Variants in KCTD16 observed in about 807,000 individuals in gnomAD.
KCTD16 encodes the protein BTB/POZ domain-containing protein KCTD16.
Under a neutral mutation model 33.2 loss-of-function variants are expected in KCTD16, and 13 were observed. The ratio of observed to expected loss-of-function variants is 0.39; its 90% CI spans 0.25 to 0.62. KCTD16 has a LOEUF of 0.62. Among genes scored for constraint, KCTD16 ranks in the 20% least tolerant of loss-of-function variants. The pLI is 0.50. For missense variants in KCTD16, 441 were observed against 525.1 expected (o/e 0.84, Z 1.57); for synonymous variants, 197 against 195.3 (o/e 1.01, Z -0.07).
chr5:144,252,061 A>G (rs1754715331), intron 3 of KCTD16, among the ~76,000 whole-genome samples: 1 of 152,188 alleles, frequency 6.6e-6, no homozygotes, highest in Non-Finnish European at 1.5e-5. Context: ...AATCAAGGTA[A>G]TTAACATATT....
chr5:144,223,357 A>G (rs1031354813), intron 3 of KCTD16, among the ~76,000 whole-genome samples: 1 of 152,206 alleles, frequency 6.6e-6, no homozygotes, highest in African/African-American at 2.4e-5. Context: ...TAAATTCTAA[A>G]GACATCATTA....
intron 3 of KCTD16, among the ~76,000 whole-genome samples, chr5:144,248,183 G>C (rs1754601618): frequency 6.6e-6 from 1 of 152,330 alleles, no homozygotes; most frequent in African/African-American, 2.4e-5. Flanking sequence ...ACTTGAGAAA[G>C]GGAGAGTAGG....
At chr5:144,255,413 A>G (rs1349802216) in intron 3 of KCTD16, among the ~76,000 whole-genome samples, 3 of 151,886 alleles carry the variant, frequency 2.0e-5, no homozygotes, top group Non-Finnish European at 4.4e-5. Context: ...CCTCCATTCC[A>G]TTTTCCATCA....
intron 3 of KCTD16, among the ~76,000 whole-genome samples, chr5:144,451,119 A>G (rs1753931553): frequency 6.6e-6 from 1 of 152,092 alleles, no homozygotes; most frequent in Admixed American, 6.6e-5. Context: ...AAAATATTCC[A>G]TTGAGGAATT....
At chr5:144,364,866 G>C (rs1751796896) in intron 3 of KCTD16, among the ~76,000 whole-genome samples, 1 of 152,144 alleles carries the variant, frequency 6.6e-6, no homozygotes, top group Non-Finnish European at 1.5e-5. Context: ...CAGGTTCCAT[G>C]CTATTTTTTT....
chr5:144,281,412 G>T (rs1463799411), intron 3 of KCTD16, among the ~76,000 whole-genome samples: 1 of 152,146 alleles, frequency 6.6e-6, no homozygotes, highest in East Asian at 1.9e-4. Context: ...ATTCAATTCA[G>T]AATATTTTCT....
intron 3 of KCTD16, among the ~76,000 whole-genome samples, chr5:144,283,702 A>G (rs1415637380): frequency 6.6e-6 from 1 of 152,218 alleles, no homozygotes; most frequent in Non-Finnish European, 1.5e-5. Context: ...AGGGACAGAA[A>G]TTCCTTGATG....
At chr5:144,325,043 A>G (rs1752168485) in intron 3 of KCTD16, among the ~76,000 whole-genome samples, 1 of 152,224 alleles carries the variant, frequency 6.6e-6, no homozygotes, top group African/African-American at 2.4e-5. Flanking sequence ...TATGCAACAA[A>G]TCTGCATGTC....
At chr5:144,347,469 C>A (rs1561575896) in intron 3 of KCTD16, among the ~76,000 whole-genome samples, 1 of 152,268 alleles carries the variant, frequency 6.6e-6, no homozygotes, top group East Asian at 1.9e-4. Flanking sequence ...GTGGCAAGCA[C>A]CTGCAATCCC....
At chr5:144,183,797 A>G (rs528056116) in intron 2 of KCTD16, among the ~76,000 whole-genome samples, 2 of 152,370 alleles carry the variant, frequency 1.3e-5, no homozygotes, top group East Asian at 3.9e-4. Flanking sequence ...TATGTTATAA[A>G]TAAAAGTATA....
chr5:144,196,568 A>G (rs1328501666), intron 2 of KCTD16, among the ~76,000 whole-genome samples: 2 of 152,222 alleles, frequency 1.3e-5, no homozygotes, highest in Non-Finnish European at 2.9e-5. Flanking sequence ...TGGCACATCA[A>G]CAACACAGAT....
intron 3 of KCTD16, among the ~76,000 whole-genome samples, chr5:144,273,045 G>A (rs1755344042): frequency 6.6e-6 from 1 of 152,118 alleles, no homozygotes; most frequent in Admixed American, 6.6e-5. Flanking sequence ...TAACCCACAA[G>A]ATAGGAGGAA....
At chr5:144,173,227 C>G in intron 1 of KCTD16, among the ~76,000 whole-genome samples, 1 of 152,338 alleles carries the variant, frequency 6.6e-6, no homozygotes. Flanking sequence ...ATGGAAGCAA[C>G]TTAAATGTCC....
At chr5:144,353,421 A>C (rs1751492221) in intron 3 of KCTD16, among the ~76,000 whole-genome samples, 1 of 152,202 alleles carries the variant, frequency 6.6e-6, no homozygotes. Context: ...GATGGGTCAG[A>C]TTCCTACCAC....
chr5:144,418,388 G>A (rs1394526620), intron 3 of KCTD16, among the ~76,000 whole-genome samples: 1 of 152,106 alleles, frequency 6.6e-6, no homozygotes, highest in African/African-American at 2.4e-5. Flanking sequence ...TTTACAGAGT[G>A]CTGATTGGTC....
At chr5:144,279,549 A>G (rs983569543) in intron 3 of KCTD16, among the ~76,000 whole-genome samples, 2 of 152,204 alleles carry the variant, frequency 1.3e-5, no homozygotes, top group African/African-American at 4.8e-5. Flanking sequence ...CTTTCCTCGT[A>G]ATTCTGGAGG....
chr5:144,327,043 G>A (rs1752225103), intron 3 of KCTD16, among the ~76,000 whole-genome samples: 1 of 152,112 alleles, frequency 6.6e-6, no homozygotes, highest in African/African-American at 2.4e-5. Context: ...CGATCCATTT[G>A]GAACTTATTG....
intron 3 of KCTD16, among the ~76,000 whole-genome samples, chr5:144,449,387 G>A (rs1423386563): frequency 6.6e-6 from 1 of 151,590 alleles, no homozygotes; most frequent in East Asian, 1.9e-4. Context: ...TTTTATAAAA[G>A]TAGAAAAAAA....
At position 144,478,589 on chromosome 5, in the gene KCTD16, A is replaced by G. The variant is rs1754641924; in HGVS notation, c.*4475A>G. The stretch of plus-strand genomic sequence containing the variant: ...TAACTTCAAAGAGTCTGATTCAGAA[A>G]CTTGAAGCAGGGCAAAGAAATTTGT... On this transcript the variant is annotated 3_prime_UTR_variant, in exon 4 of 4. Transcript: ENST00000512467. 6.6e-6 allele frequency: 1 copy of G among 152,078 alleles called. No individual in the cohort carries two copies. The highest frequency in any genetic ancestry group is 6.6e-5 in the Admixed American group (1 of 15,250). The allele number at this position is 152,078 out of a possible 1,614,324, so 9.4% of individuals were successfully genotyped here.
Sources: allele counts gnomAD v4.1 joint callset (sites outside exome capture counted in the v4.1 genomes callset), GRCh38; gene constraint gnomAD v4.1.1; transcripts MANE v1.5; gene names NCBI Gene and HGNC (gene_info 2026-07-23, HGNC 2026-07-21).